Variants in EFCC1 observed in about 807,000 individuals in gnomAD.
EFCC1 encodes the protein EF-hand and coiled-coil domain containing 1.
In EFCC1, 50 loss-of-function variants were observed where a neutral mutation model predicts 52.1. The ratio of observed to expected loss-of-function variants is 0.96; its 90% confidence interval spans 0.76 to 1.21. The LOEUF (loss-of-function observed/expected upper bound fraction) is 1.21. Ranked by LOEUF, EFCC1 falls within the 50% of genes most tolerant of loss-of-function variation. The pLI, the probability that EFCC1 is intolerant of heterozygous loss-of-function variation, is 0.00. For synonymous variants in EFCC1, 399 were observed against 396.5 expected, an observed-to-expected ratio of 1.01 and a Z score of -0.08; for missense variants, 837 against 867.3, an observed-to-expected ratio of 0.97 and a Z score of 0.44.
rs530608930 is a variant in EFCC1, at chr3:129,024,336, C to T, written c.981-6367C>T. Among the ~76,000 whole-genome samples the T allele has an allele frequency of 7.2e-5, 11 of 151,978 alleles. No homozygotes were observed. The South Asian group carries it at 1.9e-3, about 26-fold the overall frequency. The stretch of plus-strand genomic sequence containing the variant: ...CACTTGAGGCCAGGAGTTCAAGACC[C>T]GCCTGGCCAACATGGTAAAACCCTT... On this transcript the variant is annotated intron_variant, in intron 2 of 7. Transcript: ENST00000683648.
intron 6 of EFCC1, 23 bp from the exon 7 acceptor site, chr3:129,038,808 C>T (rs1342724067): frequency 6.2e-7 from 1 of 1,612,284 alleles, no homozygotes; most frequent in African/African-American, 1.3e-5. Flanking sequence ...TCTAATCCAG[C>T]CTTGTTTCCA....
chr3:129,015,358 GC>G (rs1168963792), intron 2 of EFCC1, among the ~76,000 whole-genome samples: 2 of 152,222 alleles, frequency 1.3e-5, no homozygotes, highest in East Asian at 1.9e-4. Context: ...GTCTTTCACG[GC>G]CCCTGGACTT....
intron 3 of EFCC1, among the ~76,000 whole-genome samples, chr3:129,032,164 C>G (rs1254893902): frequency 2.0e-5 from 3 of 152,166 alleles, no homozygotes; most frequent in East Asian, 3.9e-4. Flanking sequence ...CCACACTACT[C>G]CAAACATTAG....
chr3:129,032,575 G>T (rs1946293405), intron 3 of EFCC1, among the ~76,000 whole-genome samples: 1 of 152,060 alleles, frequency 6.6e-6, no homozygotes, highest in Non-Finnish European at 1.5e-5. Context: ...CCATGTCCCT[G>T]TGTAAAGTCC....
intron 2 of EFCC1, among the ~76,000 whole-genome samples, chr3:129,009,118 T>TCAGTGG (rs1945204648): frequency 6.6e-6 from 1 of 152,206 alleles, no homozygotes; most frequent in East Asian, 1.9e-4. Context: ...CCAAGGTGTT[T>TCAGTGG]CAGTGGCACT....
intron 1 of EFCC1, chr3:129,003,173 G>C: frequency 1.1e-6 from 1 of 950,094 alleles, no homozygotes. Flanking sequence ...TTCAGTGTCA[G>C]TGTGCATGGA....
In EFCC1 at chr3:129,002,106, C is replaced by T. The variant is rs1268112469; in HGVS notation, c.478C>T (p.Arg160Trp). ...CGYFGTRAGP[R>W]LPRGALSEHI... The stretch of plus-strand genomic sequence containing the variant: ...CTACTTCGGCACCCGTGCGGGGCCC[C>T]GGCTGCCCCGCGGCGCTCTCAGCGA... Residue 160 changes from arginine (R) to tryptophan (W), a missense_variant, in exon 1 of 8, where the codon CGG (arginine) becomes TGG (tryptophan). By Grantham distance (101) the Arg-to-Trp change is moderately radical. Coordinates refer to ENST00000683648, the MANE Select transcript of EFCC1 (RefSeq NM_001377500.1). The T allele has an allele frequency of 6.7e-7, 1 of 1,491,546 alleles. No homozygotes were observed. Among genetic ancestry groups the T allele is most frequent in the African/African-American group, 1.5e-5 (1 of 68,070 alleles). 92.4% of individuals were successfully genotyped at this position (1,491,546 alleles called of 1,614,324 possible).
chr3:129,008,835 C>T lies in EFCC1; in HGVS notation c.980+4758C>T, dbSNP rs112616277. 1.3e-3 allele frequency among the ~76,000 whole-genome samples: 197 copies of T among 152,320 alleles called. 1 individual carries two copies. The highest frequency in any genetic ancestry group is 4.6e-3 in the African/African-American group (192 of 41,558). On this transcript the variant is annotated intron_variant, in intron 2 of 7. Transcript: ENST00000683648. ...TGAGGTGCACAGTCCTCCTAAGAGGCTCCTGGTCCCCTCGCAGCCACATCA... is the reference window on the plus strand; with the variant it reads ...TGAGGTGCACAGTCCTCCTAAGAGGTTCCTGGTCCCCTCGCAGCCACATCA...
At position 129,037,105 on chromosome 3, in the gene EFCC1, G is replaced by C; in HGVS notation, c.1581G>C (p.Arg527Ser). ...KLVDVLQLLQRLRDLNISKRA... is the reference protein window; with the variant it reads ...KLVDVLQLLQSLRDLNISKRA... ...TGGACGTGCTGCAGCTCCTGCAGAG[G>C]CTCCGGGACCTGGTAGGCTCACGGG... The change falls in exon 6 of 8, where the codon AGG becomes AGC. Residue 527 changes from arginine to serine, a missense_variant. By Grantham distance (110) the Arg-to-Ser change is moderately radical. Coordinates refer to ENST00000683648, the MANE Select transcript of EFCC1 (RefSeq NM_001377500.1). 2 of 1,608,380 alleles carry C rather than the reference G, an allele frequency of 1.2e-6. No homozygotes were observed. Among genetic ancestry groups the C allele is most frequent in the Non-Finnish European group, 1.7e-6 (2 of 1,178,274 alleles).
chr3:129,031,124 G>T lies in EFCC1; in HGVS notation c.1138+264G>T, dbSNP rs553208498. 2.0e-5 allele frequency among the ~76,000 whole-genome samples: 3 copies of T among 152,314 alleles called. No individual in the cohort carries two copies. In the South Asian group the frequency reaches 6.2e-4, roughly 32 times the overall value. On this transcript the variant is annotated intron_variant, in intron 3 of 7. Coordinates refer to ENST00000683648, the MANE Select transcript of EFCC1 (RefSeq NM_001377500.1). ...TTCCCAAACTTGCCAGGTGGCCAGG[G>T]TCACCTTTAAAAGCATGGATGCAGG...
At position 129,001,877 on chromosome 3, in the gene EFCC1, C is replaced by T. The variant is rs755811461; in HGVS notation, c.249C>T (p.Cys83=). Residue 83 remains cysteine (C), a synonymous_variant, in exon 1 of 8, where the codon TGC becomes TGT. Transcript: ENST00000683648. ...RLPRADFRAL[C]AVLGLRAEGA... ...CCCGCGCCGACTTCCGAGCGCTCTG[C>T]GCTGTGCTGGGGCTGCGCGCGGAGG... 5.3e-4 allele frequency: 813 copies of T among 1,545,636 alleles called. 6 individuals are homozygous for T. Among genetic ancestry groups the T allele is most frequent in the Non-Finnish European group, 2.3e-5 (26 of 1,145,142 alleles).
rs1185439941 is a variant in EFCC1, at chr3:129,001,856, C to T, written c.228C>T (p.Arg76=). 2 of 1,546,052 alleles carry T rather than the reference C, an allele frequency of 1.3e-6. No individual in the cohort carries two copies. Among genetic ancestry groups the T allele is most frequent in the Non-Finnish European group, 8.7e-7 (1 of 1,145,626 alleles). ...LDCRGAGRLP[R]ADFRALCAVL... The stretch of plus-strand genomic sequence containing the variant: ...GCCGCGGCGCCGGCCGTCTGCCCCG[C>T]GCCGACTTCCGAGCGCTCTGCGCTG... Residue 76 remains arginine (R), a synonymous_variant, in exon 1 of 8, where the codon CGC becomes CGT. Transcript: ENST00000683648.
intron 2 of EFCC1, among the ~76,000 whole-genome samples, chr3:129,030,266 G>A (rs1421247708): frequency 1.3e-5 from 2 of 152,146 alleles, no homozygotes; most frequent in African/African-American, 4.8e-5. Flanking sequence ...GTACAGAGAT[G>A]GGTGGCCCTA....
intron 2 of EFCC1, among the ~76,000 whole-genome samples, chr3:129,005,173 C>T (rs1945014773): frequency 6.6e-6 from 1 of 152,374 alleles, no homozygotes; most frequent in South Asian, 2.1e-4. Flanking sequence ...ATTCCCTGCC[C>T]TGAGCAGCCA....
rs1426072648 is a variant in EFCC1, at chr3:129,001,709, GCA to G, written c.82_83del (p.Gln28ValfsTer74). On this transcript the variant is annotated frameshift_variant, in exon 1 of 8. Transcript: ENST00000683648. LOFTEE classifies it high-confidence loss of function. ...DPYRRPARRTQWLLSALAHHY... is the reference protein window; with the variant it reads ...DPYRRPARRTXWLLSALAHHY... The stretch of plus-strand genomic sequence containing the variant: ...CGTACCGGCGACCTGCGCGGCGCAC[GCA>G]GTGGCTGCTGAGCGCCCTGGCGCAC... The G allele has an allele frequency of 2.3e-5, 34 of 1,508,318 alleles. No individual in the cohort carries two copies. In the African/African-American group the frequency reaches 4.2e-4, roughly 19 times the overall value. 93.4% of individuals were successfully genotyped at this position (1,508,318 alleles called of 1,614,324 possible).
chr3:129,009,792 G>C (rs1945236912), intron 2 of EFCC1, among the ~76,000 whole-genome samples: 2 of 152,232 alleles, frequency 1.3e-5, no homozygotes, highest in Admixed American at 1.3e-4. Context: ...GAGGAAACCT[G>C]GTTAGACACA....
chr3:129,031,501 T>C (rs745912949), intron 3 of EFCC1, among the ~76,000 whole-genome samples: 3 of 152,166 alleles, frequency 2.0e-5, no homozygotes, highest in Non-Finnish European at 4.4e-5. Flanking sequence ...CATGTGATTC[T>C]CTGGGGTGGT....
intron 2 of EFCC1, among the ~76,000 whole-genome samples, chr3:129,007,371 A>G (rs151028768): frequency 6.6e-6 from 1 of 152,206 alleles, no homozygotes; most frequent in Non-Finnish European, 1.5e-5. Context: ...CCATGCCCCA[A>G]ACAGTAGAGC....
In EFCC1 at chr3:129,002,101, G is replaced by A; in HGVS notation, c.473G>A (p.Gly158Glu). The A allele has an allele frequency of 6.7e-7, 1 of 1,500,348 alleles. No homozygotes were observed. Among genetic ancestry groups the A allele is most frequent in the Non-Finnish European group, 8.9e-7 (1 of 1,127,896 alleles). 92.9% of individuals were successfully genotyped at this position (1,500,348 alleles called of 1,614,324 possible). A position where few individuals can be genotyped will look rare whatever the true frequency, so the allele number is the denominator to read the frequency against. The change falls in exon 1 of 8, where the codon GGG becomes GAG. Residue 158 changes from glycine (G) to glutamate (E), a missense_variant. Gly to Glu is a moderately conservative substitution (Grantham distance 98). Transcript: ENST00000683648. ...TGTGGCTACTTCGGCACCCGTGCGG[G>A]GCCCCGGCTGCCCCGCGGCGCTCTC... ...RLCGYFGTRA[G>E]PRLPRGALSE...
Sources: allele counts gnomAD v4.1 joint callset (sites outside exome capture counted in the v4.1 genomes callset), GRCh38; gene constraint gnomAD v4.1.1; transcripts MANE v1.5; gene names NCBI Gene and HGNC (gene_info 2026-07-23, HGNC 2026-07-21).